The following CDH8 variants were observed in gnomAD, a reference collection of about 807,000 sequenced individuals.
CDH8 encodes cadherin 8.
CDH8 carries 17 observed loss-of-function variants against 68.1 expected under a neutral mutation model. The ratio of observed to expected loss-of-function variants is 0.25; its 90% CI spans 0.17 to 0.37. The LOEUF (loss-of-function observed/expected upper bound fraction) is 0.37. Ranked by LOEUF, CDH8 falls within the 10% of genes least tolerant of loss-of-function variation. The pLI, the probability that CDH8 is intolerant of heterozygous loss-of-function variation, is 1.00. For missense variants in CDH8, 763 were observed against 999.3 expected, an observed-to-expected ratio of 0.76 and a Z score of 3.19; for synonymous variants, 372 against 365.1, an observed-to-expected ratio of 1.02 and a Z score of -0.21.
chr16:61,757,795 G>T (rs1460241087), intron 8 of CDH8, among the ~76,000 whole-genome samples: 1 of 152,162 alleles, frequency 6.6e-6, no homozygotes, highest in East Asian at 1.9e-4. Context: ...TCTCTTCAAA[G>T]CTGCCCCAGT....
intron 8 of CDH8, among the ~76,000 whole-genome samples, chr16:61,776,833 C>T (rs1960912536): frequency 6.6e-6 from 1 of 151,774 alleles, no homozygotes; most frequent in African/African-American, 2.4e-5. Context: ...AAAGGTGCAC[C>T]AACACATTCC....
intron 10 of CDH8, among the ~76,000 whole-genome samples, chr16:61,662,006 G>T (rs1001409062): frequency 2.0e-5 from 3 of 149,398 alleles, no homozygotes; most frequent in African/African-American, 7.3e-5. Context: ...ATTGGGAAGA[G>T]GATCAATGGT....
chr16:62,023,266 C>G (rs1902116826), intron 1 of CDH8, among the ~76,000 whole-genome samples: 1 of 152,140 alleles, frequency 6.6e-6, no homozygotes, highest in South Asian at 2.1e-4. Context: ...GCTGTGCTCT[C>G]TCTAGACCCG....
chr16:61,996,855 G>T (rs1965812182), intron 2 of CDH8, among the ~76,000 whole-genome samples: 1 of 152,104 alleles, frequency 6.6e-6, no homozygotes. Context: ...AAAGCGCTGG[G>T]ATTACAGGCA....
chr16:61,780,031 C>A (rs1961006558), intron 8 of CDH8, among the ~76,000 whole-genome samples: 2 of 152,180 alleles, frequency 1.3e-5, no homozygotes, highest in Non-Finnish European at 2.9e-5. Context: ...GAAATTTTGA[C>A]AAGTTACTTA....
chr16:62,025,554 G>C (rs565048489), intron 1 of CDH8, among the ~76,000 whole-genome samples: 1 of 152,202 alleles, frequency 6.6e-6, no homozygotes, highest in East Asian at 1.9e-4. Context: ...CCCAACTCAG[G>C]GGAAACCTTT....
chr16:61,891,379 A>G (rs575461638), intron 3 of CDH8, among the ~76,000 whole-genome samples: 1 of 152,262 alleles, frequency 6.6e-6, no homozygotes, highest in South Asian at 2.1e-4. Flanking sequence ...GCTTGTTCTC[A>G]GACATAATGT....
chr16:61,832,462 T>C (rs1475347122), intron 4 of CDH8, among the ~76,000 whole-genome samples: 2 of 151,734 alleles, frequency 1.3e-5, no homozygotes, highest in African/African-American at 4.8e-5. Context: ...AGAAACTGTA[T>C]CTCCTCTTAT....
At chr16:61,993,186 C>G (rs1965754707) in intron 2 of CDH8, among the ~76,000 whole-genome samples, 1 of 152,210 alleles carries the variant, frequency 6.6e-6, no homozygotes, top group Non-Finnish European at 1.5e-5. Context: ...TCATAACTCA[C>G]TCAGGTTAAT....
chr16:61,872,755 T>C (rs1963391522), intron 3 of CDH8, among the ~76,000 whole-genome samples: 1 of 152,226 alleles, frequency 6.6e-6, no homozygotes, highest in Non-Finnish European at 1.5e-5. Context: ...GGAGGGCAGG[T>C]ACTCAGATGG....
At chr16:62,017,046 T>C (rs1448708845) in intron 2 of CDH8, among the ~76,000 whole-genome samples, 1 of 152,226 alleles carries the variant, frequency 6.6e-6, no homozygotes, top group Non-Finnish European at 1.5e-5. Flanking sequence ...AGTTCCTTTA[T>C]TGAAAAATGC....
chr16:61,889,673 C>T (rs1221080655), intron 3 of CDH8, among the ~76,000 whole-genome samples: 2 of 152,160 alleles, frequency 1.3e-5, no homozygotes, highest in Non-Finnish European at 2.9e-5. Flanking sequence ...ATATGCTTTC[C>T]TGGAATGGTT....
intron 10 of CDH8, among the ~76,000 whole-genome samples, chr16:61,695,780 C>A (rs376511663): frequency 1.3e-5 from 2 of 152,138 alleles, no homozygotes; most frequent in South Asian, 4.1e-4. Context: ...TCTTAGAATG[C>A]AAAACCAGAA....
intron 2 of CDH8, among the ~76,000 whole-genome samples, chr16:61,934,431 T>C (rs1964595682): frequency 6.6e-6 from 1 of 152,122 alleles, no homozygotes; most frequent in South Asian, 2.1e-4. Flanking sequence ...ATGTAAAGAT[T>C]GTGGAGGGAC....
At chr16:61,821,641 G>A (rs191115381) in intron 5 of CDH8, among the ~76,000 whole-genome samples, 1 of 152,060 alleles carries the variant, frequency 6.6e-6, no homozygotes, top group East Asian at 1.9e-4. Flanking sequence ...GCAGCAAGCT[G>A]TTCAGACACA....
At chr16:61,975,618 T>C (rs1965421974) in intron 2 of CDH8, among the ~76,000 whole-genome samples, 1 of 152,184 alleles carries the variant, frequency 6.6e-6, no homozygotes, top group Non-Finnish European at 1.5e-5. Flanking sequence ...TTGTTTGATA[T>C]TTGCAAATTT....
At chr16:61,751,899 T>C (rs564359542) in intron 8 of CDH8, among the ~76,000 whole-genome samples, 26 of 152,220 alleles carry the variant, frequency 1.7e-4, no homozygotes, top group African/African-American at 6.3e-4. Flanking sequence ...CCAAATAATA[T>C]TGTTAATAAT....
At chr16:61,821,257 C>G in intron 5 of CDH8, 144 bp from the exon 6 acceptor site, 1 of 564,378 alleles carries the variant, frequency 1.8e-6, no homozygotes, top group Non-Finnish European at 3.1e-6. Context: ...CAGAAATATC[C>G]GTTTCCCTTC....
At chr16:62,013,127 C>T (rs1901854984) in intron 2 of CDH8, among the ~76,000 whole-genome samples, 1 of 83,290 alleles carries the variant, frequency 1.2e-5, no homozygotes, top group South Asian at 5.4e-4. Flanking sequence ...CGGTGGCGGG[C>T]GCCTGTAGTC....
Sources: gnomAD v4.1 joint callset for allele counts (sites outside exome capture counted in the v4.1 genomes callset) on GRCh38, gnomAD v4.1.1 for gene constraint, MANE v1.5 for transcripts, NCBI Gene and HGNC (gene_info 2026-07-23, HGNC 2026-07-21) for gene names.